The following NTRK2 variants were observed in gnomAD, a reference collection of about 807,000 sequenced individuals.
The protein encoded by NTRK2 is neurotrophic receptor tyrosine kinase 2.
NTRK2 carries 13 observed loss-of-function variants against 94.5 expected under a neutral mutation model. That is an observed-to-expected ratio of 0.14 (90% confidence interval 0.09 to 0.22). NTRK2 has a LOEUF of 0.22. NTRK2 is among the 10% of genes least tolerant of loss of function. The pLI, the probability that NTRK2 is intolerant of heterozygous loss-of-function variation, is 1.00. For synonymous variants in NTRK2, 372 were observed against 407.4 expected, an observed-to-expected ratio of 0.91 and a Z score of 1.05; for missense variants, 639 against 1,071.2, an observed-to-expected ratio of 0.60 and a Z score of 5.63.
chr9:84,896,946 C>T (rs981675826), intron 14 of NTRK2, among the ~76,000 whole-genome samples: 1 of 152,144 alleles, frequency 6.6e-6, no homozygotes, highest in African/African-American at 2.4e-5. Flanking sequence ...GACCACCTTC[C>T]CTTCCTAGAA....
At chr9:84,773,376 A>G (rs118009091) in intron 12 of NTRK2, among the ~76,000 whole-genome samples, 194 of 152,338 alleles carry the variant, frequency 1.3e-3, no homozygotes, top group Admixed American at 3.4e-3. Context: ...GGGCTATAGA[A>G]ATTATGGCAT....
chr9:84,708,490 A>T (rs969671666), intron 5 of NTRK2, among the ~76,000 whole-genome samples: 15 of 152,198 alleles, frequency 9.9e-5, no homozygotes, highest in Admixed American at 3.9e-4. Context: ...TAGAAAACGT[A>T]TTGAAAGGTG....
At chr9:84,925,179 T>C (rs1266563619) in intron 14 of NTRK2, among the ~76,000 whole-genome samples, 2 of 151,356 alleles carry the variant, frequency 1.3e-5, no homozygotes, top group African/African-American at 4.9e-5. Context: ...TTATCTCCTC[T>C]GCCTTCTTCT....
At chr9:84,877,354 C>T (rs866037570) in intron 14 of NTRK2, 3 of 1,065,968 alleles carry the variant, frequency 2.8e-6, no homozygotes, top group Non-Finnish European at 3.4e-6. Context: ...TGAAGGGTTG[C>T]TGGGTTGGGG....
chr9:84,819,705 A>G (rs2072662006), intron 12 of NTRK2, among the ~76,000 whole-genome samples: 1 of 152,190 alleles, frequency 6.6e-6, no homozygotes, highest in East Asian at 1.9e-4. Flanking sequence ...AAACAGGCTC[A>G]GCCCTCCCTA....
At chr9:85,004,685 C>T (rs1215195878) in intron 17 of NTRK2, among the ~76,000 whole-genome samples, 2 of 152,114 alleles carry the variant, frequency 1.3e-5, no homozygotes, top group African/African-American at 2.4e-5. Flanking sequence ...GCCAGTTGAT[C>T]ATCATTAAGG....
At chr9:84,821,236 C>T (rs2072798573) in intron 12 of NTRK2, among the ~76,000 whole-genome samples, 1 of 151,722 alleles carries the variant, frequency 6.6e-6, no homozygotes, top group African/African-American at 2.4e-5. Context: ...TTAAAATTTT[C>T]AAATTGGTTG....
At chr9:84,915,061 G>A (rs895819624) in intron 14 of NTRK2, among the ~76,000 whole-genome samples, 4 of 152,090 alleles carry the variant, frequency 2.6e-5, no homozygotes, top group South Asian at 2.1e-4. Context: ...TAGATCCGTC[G>A]TATGCGCAGT....
chr9:84,952,689 A>G (rs1206288355), intron 16 of NTRK2, among the ~76,000 whole-genome samples: 3 of 152,176 alleles, frequency 2.0e-5, no homozygotes, highest in Non-Finnish European at 4.4e-5. Context: ...CAGAAAGTTG[A>G]ACAGCAAATA....
At chr9:84,819,503 T>C (rs897063009) in intron 12 of NTRK2, among the ~76,000 whole-genome samples, 1 of 152,200 alleles carries the variant, frequency 6.6e-6, no homozygotes, top group African/African-American at 2.4e-5. Flanking sequence ...TCCTGGGTCT[T>C]GGGGAGGTTG....
At chr9:84,800,979 T>A (rs1436222155) in intron 12 of NTRK2, among the ~76,000 whole-genome samples, 2 of 152,340 alleles carry the variant, frequency 1.3e-5, no homozygotes, top group Non-Finnish European at 2.9e-5. Context: ...GCTTCATAAC[T>A]CATGACAAAG....
chr9:84,917,640 G>A (rs536021789), intron 14 of NTRK2, among the ~76,000 whole-genome samples: 1 of 152,092 alleles, frequency 6.6e-6, no homozygotes, highest in Non-Finnish European at 1.5e-5. Flanking sequence ...CAGTTCTGTT[G>A]GATTTTTCCA....
In NTRK2 at chr9:84,934,155, T is replaced by C; in HGVS notation, c.1634-7T>C. On this transcript the variant is annotated splice_region_variant and splice_polypyrimidine_tract_variant and intron_variant, in intron 14 of 18. Transcript: ENST00000277120. ...ATTCCAATTTCCATTCTGTCTTTGT[T>C]TTGCAGTTGTTCAGCACATCAAGCG... The C allele has an allele frequency of 6.2e-7, 1 of 1,613,772 alleles. No individual in the cohort carries two copies. Among genetic ancestry groups the C allele is most frequent in the Non-Finnish European group, 8.5e-7 (1 of 1,179,798 alleles).
At chr9:84,840,478 C>T (rs2074118601) in intron 12 of NTRK2, among the ~76,000 whole-genome samples, 1 of 151,992 alleles carries the variant, frequency 6.6e-6, no homozygotes, top group African/African-American at 2.4e-5. Context: ...CAAGGCTTCT[C>T]CCCAGGACCG....
intron 14 of NTRK2, among the ~76,000 whole-genome samples, chr9:84,904,962 AT>A (rs1030651159): frequency 6.6e-6 from 1 of 152,088 alleles, no homozygotes; most frequent in African/African-American, 2.4e-5. Context: ...ATCATTAAAG[AT>A]TTTTTTTCCT....
At chr9:84,915,061 G>T (rs895819624) in intron 14 of NTRK2, among the ~76,000 whole-genome samples, 2 of 152,090 alleles carry the variant, frequency 1.3e-5, no homozygotes, top group Non-Finnish European at 2.9e-5. Flanking sequence ...TAGATCCGTC[G>T]TATGCGCAGT....
chr9:84,946,746 G>C (rs1336148233), intron 15 of NTRK2, among the ~76,000 whole-genome samples: 2 of 152,208 alleles, frequency 1.3e-5, no homozygotes, highest in African/African-American at 4.8e-5. Context: ...CTGGTGGTCA[G>C]ACACCTGAAA....
chr9:84,935,646 A>G (rs1024040102), intron 15 of NTRK2, among the ~76,000 whole-genome samples: 3 of 152,114 alleles, frequency 2.0e-5, no homozygotes, highest in African/African-American at 4.8e-5. Context: ...AGAGGAGAGG[A>G]AGGAGATCCT....
chr9:84,833,292 A>G (rs1041498160), intron 12 of NTRK2, among the ~76,000 whole-genome samples: 1 of 152,184 alleles, frequency 6.6e-6, no homozygotes, highest in Admixed American at 6.5e-5. Context: ...CACTAGAGGA[A>G]CTAAGTAAGA....
Sources: gnomAD v4.1 joint callset for allele counts (sites outside exome capture counted in the v4.1 genomes callset) on GRCh38, gnomAD v4.1.1 for gene constraint, MANE v1.5 for transcripts, NCBI Gene and HGNC (gene_info 2026-07-23, HGNC 2026-07-21) for gene names.